The following AP4E1 variants were observed in gnomAD, a reference collection of about 807,000 sequenced individuals.
The protein encoded by AP4E1 is adaptor related protein complex 4 subunit epsilon 1, also known as AP-4 complex subunit epsilon-1.
A neutral mutation model predicts 128.2 loss-of-function variants in AP4E1; 56 were observed. That is an observed-to-expected ratio of 0.44 (90% confidence interval 0.35 to 0.55). AP4E1 has a LOEUF of 0.55. Among genes scored for constraint, AP4E1 ranks in the 20% least tolerant of loss-of-function variants. AP4E1 has a pLI of 0.00. For synonymous variants in AP4E1, 484 were observed against 473.1 expected (o/e 1.02, Z -0.30); for missense variants, 1,324 against 1,307.7 (o/e 1.01, Z -0.19).
intron 2 of AP4E1, 63 bp downstream of exon 2, chr15:50,912,212 A>G (rs1396518201): frequency 7.3e-7 from 1 of 1,379,058 alleles, no homozygotes; most frequent in Non-Finnish European, 1.0e-6. Flanking sequence ...TGGACTCAAT[A>G]GTGGCATCTA....
In AP4E1 at chr15:51,004,108, A is replaced by G. The variant is rs1326253473; in HGVS notation, c.*1446A>G. The G allele has an allele frequency of 1.3e-5, 2 of 152,240 alleles. No individual in the cohort carries two copies. The highest frequency in any genetic ancestry group is 2.9e-5 in the Non-Finnish European group (2 of 68,038). The allele number at this position is 152,240 out of a possible 1,614,324, so 9.4% of individuals were successfully genotyped here. ...ACAGTGAAGCCTTGCTACAAGAGTC[A>G]TAAGTGACTGGAATTTCTTGCATAA... On this transcript the variant is annotated 3_prime_UTR_variant, in exon 21 of 21. Coordinates refer to ENST00000261842, the MANE Select transcript of AP4E1 (RefSeq NM_007347.5).
chr15:50,973,540 T>A (rs2064512155), intron 15 of AP4E1, among the ~76,000 whole-genome samples: 1 of 152,220 alleles, frequency 6.6e-6, no homozygotes, highest in Non-Finnish European at 1.5e-5. Context: ...CTTGTTTAAC[T>A]AAAACTTCAT....
At chr15:50,991,065 A>T (rs559268531) in intron 16 of AP4E1, among the ~76,000 whole-genome samples, 4 of 152,262 alleles carry the variant, frequency 2.6e-5, no homozygotes, top group African/African-American at 9.6e-5. Context: ...TTGGACCGAG[A>T]TGGATGGCAA....
At chr15:50,920,395 A>AAGCCACCGT (rs1054790479) in intron 3 of AP4E1, among the ~76,000 whole-genome samples, 4 of 140,458 alleles carry the variant, frequency 2.8e-5, no homozygotes, top group African/African-American at 1.1e-4. Flanking sequence ...TTACAGGCGT[A>AAGCCACCGT]AGCCACCGTG....
intron 17 of AP4E1, 90 bp from the exon 18 acceptor site, chr15:50,997,236 A>T (rs2064888277): frequency 5.2e-6 from 6 of 1,164,140 alleles, no homozygotes; most frequent in Non-Finnish European, 7.1e-6. Context: ...GCAAATTGTT[A>T]TATTGCTGAT....
chr15:50,953,509 C>G (rs1287939572), intron 13 of AP4E1, among the ~76,000 whole-genome samples: 1 of 152,230 alleles, frequency 6.6e-6, no homozygotes, highest in Non-Finnish European at 1.5e-5. Flanking sequence ...TCTGCCCCAG[C>G]TGGGACCTGA....
intron 8 of AP4E1, among the ~76,000 whole-genome samples, chr15:50,935,073 A>G (rs1426020855): frequency 6.6e-6 from 1 of 152,144 alleles, no homozygotes; most frequent in African/African-American, 2.4e-5. Context: ...GTTGTCAGAT[A>G]TTTTATTAAA....
At chr15:50,930,747 G>T (rs747027559) in intron 6 of AP4E1, 58 bp from the exon 7 acceptor site, 2 of 1,523,276 alleles carry the variant, frequency 1.3e-6, no homozygotes, top group Non-Finnish European at 9.1e-7. Flanking sequence ...ATTTCAATTA[G>T]GTCTATTTCT....
At chr15:50,926,172 C>G (rs2063767546) in intron 5 of AP4E1, among the ~76,000 whole-genome samples, 2 of 152,098 alleles carry the variant, frequency 1.3e-5, no homozygotes, top group African/African-American at 2.4e-5. Flanking sequence ...GAGTCTCACT[C>G]TGTTGCCTAG....
rs551345870 is a variant in AP4E1, at chr15:50,942,600, CTG to C, written c.1176+827_1176+828del. Among the ~76,000 whole-genome samples the C allele has an allele frequency of 5.0e-3, 752 of 149,518 alleles. 10 individuals carry two copies. The highest frequency in any genetic ancestry group is 0.018 in the African/African-American group (728 of 40,972). ...TTAATAATATCATCATCATATATGT[CTG>C]TATATTATATATAACATAGCATATA... On this transcript the variant is annotated intron_variant, in intron 10 of 20. Coordinates refer to ENST00000261842, the MANE Select transcript of AP4E1 (RefSeq NM_007347.5).
chr15:50,940,343 A>AT (rs577208335), intron 8 of AP4E1, among the ~76,000 whole-genome samples: 1 of 151,576 alleles, frequency 6.6e-6, no homozygotes, highest in African/African-American at 2.4e-5. Context: ...GAGGTTTAAA[A>AT]TTTTTTTTTG....
At chr15:50,951,213 C>T (rs1006359148) in intron 13 of AP4E1, among the ~76,000 whole-genome samples, 5 of 152,214 alleles carry the variant, frequency 3.3e-5, no homozygotes, top group Admixed American at 1.3e-4. Context: ...GCTACTGTCT[C>T]ACCTGAAGCT....
intron 13 of AP4E1, among the ~76,000 whole-genome samples, chr15:50,953,702 A>G (rs539542679): frequency 6.6e-6 from 1 of 152,252 alleles, no homozygotes; most frequent in East Asian, 1.9e-4. Context: ...TGGATATGCC[A>G]AAGAGAAGCT....
At chr15:50,909,248 GT>G (rs2063534774) in intron 1 of AP4E1, among the ~76,000 whole-genome samples, 1 of 152,212 alleles carries the variant, frequency 6.6e-6, no homozygotes, top group African/African-American at 2.4e-5. Flanking sequence ...TAGGTTTTTT[GT>G]TTGTTTTGAG....
chr15:50,922,821 G>A (rs1198216523), intron 3 of AP4E1, among the ~76,000 whole-genome samples: 2 of 149,782 alleles, frequency 1.3e-5, no homozygotes, highest in African/African-American at 4.9e-5. Flanking sequence ...TCTGTCGTCT[G>A]GTCTGGAGTG....
At chr15:50,917,254 G>A (rs1328124687) in intron 3 of AP4E1, among the ~76,000 whole-genome samples, 1 of 152,208 alleles carries the variant, frequency 6.6e-6, no homozygotes, top group Non-Finnish European at 1.5e-5. Context: ...AAGGAAAAAT[G>A]TGTTAGATGT....
rs370822190 is a variant in AP4E1, at chr15:50,925,239, A to G, written c.542+20A>G. ...TTCTAAGTAAGTAAATTCTTTTGGG[A>G]TAGGCATCTATGCCATATATTTCAA... On this transcript the variant is annotated intron_variant, in intron 5 of 20. Coordinates refer to ENST00000261842, the MANE Select transcript of AP4E1 (RefSeq NM_007347.5). 1 of 1,607,136 alleles carries G rather than the reference A, an allele frequency of 6.2e-7. No homozygotes were observed.
intron 6 of AP4E1, among the ~76,000 whole-genome samples, chr15:50,929,998 C>T (rs1223350273): frequency 6.6e-6 from 1 of 151,320 alleles, no homozygotes; most frequent in African/African-American, 2.4e-5. Flanking sequence ...AAGGCACACT[C>T]CTTCAGAAAC....
At chr15:50,909,834 C>G (rs904800915) in intron 1 of AP4E1, among the ~76,000 whole-genome samples, 1 of 151,288 alleles carries the variant, frequency 6.6e-6, no homozygotes, top group African/African-American at 2.4e-5. Context: ...ACTACAAGTG[C>G]CCGCCACTGC....
Sources: gnomAD v4.1 joint callset for allele counts (sites outside exome capture counted in the v4.1 genomes callset) on GRCh38, gnomAD v4.1.1 for gene constraint, MANE v1.5 for transcripts, NCBI Gene and HGNC (gene_info 2026-07-23, HGNC 2026-07-21) for gene names.